QSOX2: variants seen among roughly 807,000 people sequenced by gnomAD.
QSOX2 encodes sulfhydryl oxidase 2.
QSOX2 carries 46 observed loss-of-function variants against 61.7 expected under a neutral mutation model. The ratio of observed to expected loss-of-function variants is 0.75; its 90% CI spans 0.59 to 0.95. QSOX2 has a LOEUF of 0.95. QSOX2 is among the 40% of genes least tolerant of loss of function. The pLI is 0.00. For missense variants in QSOX2, 879 were observed against 918.9 expected (o/e 0.96, Z 0.56); for synonymous variants, 383 against 388.4 (o/e 0.99, Z 0.16).
chr9:136,233,110 C>T (rs1303600988), intron 1 of QSOX2, among the ~76,000 whole-genome samples: 4 of 152,060 alleles, frequency 2.6e-5, no homozygotes, highest in Non-Finnish European at 2.9e-5. Flanking sequence ...TTTGTGCACA[C>T]GCTGCCGGGT....
At chr9:136,239,439 C>T (rs533586482) in intron 1 of QSOX2, among the ~76,000 whole-genome samples, 1 of 152,348 alleles carries the variant, frequency 6.6e-6, no homozygotes, top group East Asian at 1.9e-4. Flanking sequence ...CCGGCCACTT[C>T]CTTGTTTTAT....
intron 1 of QSOX2, among the ~76,000 whole-genome samples, chr9:136,244,346 GC>G (rs1830454019): frequency 1.3e-5 from 2 of 152,196 alleles, no homozygotes; most frequent in Admixed American, 6.5e-5. Context: ...GAATCAAAAG[GC>G]CCCAGCTCTC....
chr9:136,239,387 C>CTT (rs1484623178), intron 1 of QSOX2, among the ~76,000 whole-genome samples: 7 of 152,262 alleles, frequency 4.6e-5, no homozygotes, highest in Admixed American at 2.6e-4. Flanking sequence ...AGTGATCCTC[C>CTT]CACCTTCCAA....
intron 9 of QSOX2, 71 bp from the exon 10 acceptor site, chr9:136,215,375 C>G: frequency 1.4e-6 from 2 of 1,438,958 alleles, no homozygotes; most frequent in South Asian, 2.7e-5. Context: ...CAGTCGACAG[C>G]TGCCTTCTTG....
rs1322251652 is a variant in QSOX2, at chr9:136,223,775, G to A, written c.663C>T (p.Tyr221=). 6.2e-7 allele frequency: 1 copy of A among 1,613,942 alleles called. No individual in the cohort carries two copies. The highest frequency in any genetic ancestry group is 8.5e-7 in the Non-Finnish European group (1 of 1,179,966). The change falls in exon 5 of 12, where the codon TAC becomes TAT. Residue 221 remains tyrosine, a synonymous_variant. Transcript: ENST00000358701. The surrounding 1 kb of genome is among the most constrained non-coding windows in gnomAD (Gnocchi z 4.4). ...GCAGAGGCCGTACCTCCCGTCCAAGGTAGGAGCTGTTGCTTTCAAAGACAA... is the reference window on the plus strand; with the variant it reads ...GCAGAGGCCGTACCTCCCGTCCAAGATAGGAGCTGTTGCTTTCAAAGACAA... ...VAIVFESNSS[Y]LGREVILDLI... is the part of the protein sequence containing the mutation.
At chr9:136,234,060 C>G (rs1226969811) in intron 1 of QSOX2, among the ~76,000 whole-genome samples, 1 of 150,644 alleles carries the variant, frequency 6.6e-6, no homozygotes, top group Non-Finnish European at 1.5e-5. Flanking sequence ...CGAGGCTCCA[C>G]CTGGGGCAGC....
chr9:136,241,213 G>A (rs1830431002), intron 1 of QSOX2, among the ~76,000 whole-genome samples: 1 of 152,198 alleles, frequency 6.6e-6, no homozygotes. Context: ...GGGCCCGTAA[G>A]GAGACAGGAG....
intron 1 of QSOX2, among the ~76,000 whole-genome samples, chr9:136,236,312 C>T (rs997108703): frequency 1.3e-5 from 2 of 152,096 alleles, no homozygotes; most frequent in African/African-American, 2.4e-5. Flanking sequence ...GCACGGTGTG[C>T]GGAGATGGGG....
chr9:136,240,973 G>A (rs1030429971), intron 1 of QSOX2, among the ~76,000 whole-genome samples: 9 of 152,118 alleles, frequency 5.9e-5, no homozygotes, highest in Non-Finnish European at 1.0e-4. Flanking sequence ...CACGACGACC[G>A]GCATGACACA....
At chr9:136,210,879 T>G in intron 11 of QSOX2, 1 of 985,358 alleles carries the variant, frequency 1.0e-6, no homozygotes, top group Non-Finnish European at 1.2e-6. Context: ...TGGTTTACGT[T>G]TGGACAACAG....
intron 2 of QSOX2, among the ~76,000 whole-genome samples, chr9:136,226,053 C>A (rs1460438611): frequency 1.3e-5 from 2 of 152,210 alleles, no homozygotes; most frequent in Non-Finnish European, 1.5e-5. Context: ...ACAGTGAAAA[C>A]AACAGCCCCC....
rs186151020 is a variant in QSOX2 at position 136,225,205 on chromosome 9, C to T, written c.430-296G>A. Among the ~76,000 whole-genome samples the T allele has an allele frequency of 5.9e-5, 9 of 152,276 alleles. No individual in the cohort carries two copies. In the South Asian group the frequency reaches 8.3e-4, roughly 14 times the overall value. ...ACTGGGCTGGAATCATAAAAGACACCGCTCTCTGGGACTTGGTAGTGAGCC... is the reference window on the plus strand; with the variant it reads ...ACTGGGCTGGAATCATAAAAGACACTGCTCTCTGGGACTTGGTAGTGAGCC... On this transcript the variant is annotated intron_variant, in intron 2 of 11. Coordinates refer to ENST00000358701, the MANE Select transcript of QSOX2 (RefSeq NM_181701.4).
chr9:136,210,946 A>G, intron 11 of QSOX2: 1 of 966,956 alleles, frequency 1.0e-6, no homozygotes, highest in Non-Finnish European at 1.2e-6. Context: ...AGCTTTCCAG[A>G]GTCAAAAACA....
chr9:136,226,826 T>C lies in QSOX2; in HGVS notation c.377A>G (p.Lys126Arg). 6.2e-7 allele frequency: 1 copy of C among 1,614,210 alleles called. No homozygotes were observed. Among genetic ancestry groups the C allele is most frequent in the Non-Finnish European group, 8.5e-7 (1 of 1,180,026 alleles). ...GTAGTCATGGCACACGGCCTGGTTCTTCTCTTCCATGCAGTCCAGAGCTGC... is the reference window on the plus strand; with the variant it reads ...GTAGTCATGGCACACGGCCTGGTTCCTCTCTTCCATGCAGTCCAGAGCTGC... ...RVAALDCMEE[K>R]NQAVCHDYDI... The change falls in exon 2 of 12, where the codon AAG (lysine) becomes AGG (arginine). Residue 126 changes from lysine (K) to arginine (R), a missense_variant. Physicochemically the swap from Lys to Arg is conservative, Grantham distance 26. Coordinates refer to ENST00000358701, the MANE Select transcript of QSOX2 (RefSeq NM_181701.4).
chr9:136,219,520 G>A (rs1433256104), intron 6 of QSOX2, among the ~76,000 whole-genome samples: 2 of 152,190 alleles, frequency 1.3e-5, no homozygotes, highest in Admixed American at 6.5e-5. Context: ...AGCCTTCACC[G>A]ACGCGCCCAC....
chr9:136,212,614 G>A lies in QSOX2; in HGVS notation c.1361-1162C>T, dbSNP rs543110673. ...CGGTGTCTCAGATGGGACCGCAGGCGCTGGCCCTGTGACCCGGCCCGTCTG... is the reference window on the plus strand; with the variant it reads ...CGGTGTCTCAGATGGGACCGCAGGCACTGGCCCTGTGACCCGGCCCGTCTG... On this transcript the variant is annotated intron_variant, in intron 10 of 11. Transcript: ENST00000358701. 3.9e-5 allele frequency among the ~76,000 whole-genome samples: 6 copies of A among 152,352 alleles called. No individual in the cohort carries two copies. The East Asian group carries it at 1.2e-3, about 29-fold the overall frequency.
Position 136,216,502 on chromosome 9 carries a change from G to A in QSOX2, c.1209+98C>T, listed in dbSNP as rs954093248. 4 of 1,512,508 alleles carry A rather than the reference G, an allele frequency of 2.6e-6. No homozygotes were observed. In the African/African-American group the frequency reaches 5.5e-5, roughly 21 times the overall value. The allele number at this position is 1,512,508 out of a possible 1,614,324, so 93.7% of individuals were successfully genotyped here. Reference sequence around the variant, plus strand: ...CACTGCTCCCCTTCCTCACAGCGGAGCCCGGGCCCCGAGCAGGGAGATGCA... The same window carrying A: ...CACTGCTCCCCTTCCTCACAGCGGAACCCGGGCCCCGAGCAGGGAGATGCA... On this transcript the variant is annotated intron_variant, in intron 9 of 11. Transcript: ENST00000358701.
At chr9:136,218,206 G>C (rs1179083516) in intron 8 of QSOX2, among the ~76,000 whole-genome samples, 1 of 152,180 alleles carries the variant, frequency 6.6e-6, no homozygotes, top group African/African-American at 2.4e-5. Context: ...CACCACATCT[G>C]TGCTGGTGAT....
chr9:136,237,574 T>TCACCTGGAGCCCGTCCTGTGCCA (rs1328570304), intron 1 of QSOX2, among the ~76,000 whole-genome samples: 1 of 123,900 alleles, frequency 8.1e-6, no homozygotes, highest in African/African-American at 3.3e-5. Context: ...TGTGGCGGCG[T>TCACCTGGAGCCCGTCCTGTGCCA]CACCTGGAGC....
Sources: allele counts gnomAD v4.1 joint callset (sites outside exome capture counted in the v4.1 genomes callset), GRCh38; gene constraint gnomAD v4.1.1; non-coding constraint Gnocchi (gnomAD v3.1); transcripts MANE v1.5; gene names NCBI Gene and HGNC (gene_info 2026-07-23, HGNC 2026-07-21).